PCDHA9: variants seen among roughly 807,000 people sequenced by gnomAD.
The protein encoded by PCDHA9 is protocadherin alpha-9.
A neutral mutation model predicts 62.0 loss-of-function variants in PCDHA9; 62 were observed. That is an observed-to-expected ratio of 1.00 (90% CI 0.81 to 1.23). The LOEUF (loss-of-function observed/expected upper bound fraction) is 1.23. PCDHA9 is among the 50% of genes most tolerant of loss of function. PCDHA9 has a pLI of 0.00. For missense variants in PCDHA9, 1,205 were observed against 1,249.8 expected (o/e 0.96, Z 0.54); for synonymous variants, 557 against 567.6 (o/e 0.98, Z 0.27).
intron 1 of PCDHA9, among the ~76,000 whole-genome samples, chr5:140,934,332 T>C (rs1452316834): frequency 1.3e-5 from 2 of 152,140 alleles, no homozygotes; most frequent in Non-Finnish European, 2.9e-5. Flanking sequence ...ATGAATGTAA[T>C]AACCACCAGT....
In PCDHA9 at chr5:140,855,179, G is replaced by A. The variant is rs181253905; in HGVS notation, c.2394+4290G>A. Among the ~76,000 whole-genome samples, 493 of 149,782 alleles carry A rather than the reference G, an allele frequency of 3.3e-3. 32 individuals carry two copies. The highest frequency in any genetic ancestry group is 0.014 in the Middle Eastern group (4 of 290). ...ATTGAGCCTCATGAAAACAAATGTGGCCAAATTGAGGCCTGAGAATAGTTT... is the reference window on the plus strand; with the variant it reads ...ATTGAGCCTCATGAAAACAAATGTGACCAAATTGAGGCCTGAGAATAGTTT... On this transcript the variant is annotated intron_variant, in intron 1 of 3. Coordinates refer to ENST00000532602, the MANE Select transcript of PCDHA9 (RefSeq NM_031857.2).
chr5:140,980,684 G>GAA (rs782726576), intron 2 of PCDHA9, among the ~76,000 whole-genome samples: 2 of 145,064 alleles, frequency 1.4e-5, no homozygotes, highest in African/African-American at 5.1e-5. Context: ...TTTTCAAATT[G>GAA]AAAAAAAAAA....
chr5:140,870,876 G>A, intron 1 of PCDHA9: 1 of 1,613,958 alleles, frequency 6.2e-7, no homozygotes, highest in Non-Finnish European at 8.5e-7. Context: ...ACGTGGTGGC[G>A]AAGGTGCGCG....
At chr5:140,875,304 A>G in intron 1 of PCDHA9, 6 of 1,416,398 alleles carry the variant, frequency 4.2e-6, no homozygotes, top group Non-Finnish European at 5.5e-6. Context: ...TTTTCTCCGC[A>G]CCCACATTCC....
At chr5:140,903,500 G>A (rs553764100) in intron 1 of PCDHA9, among the ~76,000 whole-genome samples, 1 of 152,184 alleles carries the variant, frequency 6.6e-6, no homozygotes, top group African/African-American at 2.4e-5. Flanking sequence ...AGGTACCATA[G>A]ATAATAGTTC....
At position 140,870,536 on chromosome 5, in the gene PCDHA9, C is replaced by T. The variant is rs782205013; in HGVS notation, c.2394+19647C>T. On this transcript the variant is annotated intron_variant, in intron 1 of 3. Transcript: ENST00000532602. ...GGCTGCCACATCTTCACAGTGTCGGCGCGGGACGCGGACGCGCAGGAGAAC... is the reference window on the plus strand; with the variant it reads ...GGCTGCCACATCTTCACAGTGTCGGTGCGGGACGCGGACGCGCAGGAGAAC... 1.1e-5 allele frequency: 18 copies of T among 1,614,036 alleles called. No individual in the cohort carries two copies. The Admixed American group carries it at 3.0e-4, about 27-fold the overall frequency.
At chr5:140,937,844 G>A (rs926736710) in intron 1 of PCDHA9, among the ~76,000 whole-genome samples, 7 of 149,606 alleles carry the variant, frequency 4.7e-5, no homozygotes, top group Non-Finnish European at 8.9e-5. Context: ...CCTGGAAGGC[G>A]GAACTTGGAG....
chr5:140,915,992 G>A (rs1437857401), intron 1 of PCDHA9, among the ~76,000 whole-genome samples: 2 of 152,134 alleles, frequency 1.3e-5, no homozygotes, highest in African/African-American at 4.8e-5. Context: ...GGCTAAGCTG[G>A]CACTCAAACC....
chr5:140,921,779 T>C (rs1584242105), intron 1 of PCDHA9, among the ~76,000 whole-genome samples: 2 of 152,246 alleles, frequency 1.3e-5, no homozygotes, highest in East Asian at 3.9e-4. Context: ...AATACTGACT[T>C]GGATGTTCTA....
chr5:140,856,293 T>C, intron 1 of PCDHA9: 7 of 1,598,502 alleles, frequency 4.4e-6, no homozygotes, highest in Non-Finnish European at 6.0e-6. Context: ...CAGAATGGCA[T>C]TTTGTTTGTG....
chr5:140,914,076 T>C (rs2076593853), intron 1 of PCDHA9, among the ~76,000 whole-genome samples: 1 of 152,218 alleles, frequency 6.6e-6, no homozygotes, highest in Non-Finnish European at 1.5e-5. Context: ...TCCATAACTA[T>C]CTATTAGGTC....
chr5:140,887,025 T>G (rs1352119867), intron 1 of PCDHA9, among the ~76,000 whole-genome samples: 3 of 152,076 alleles, frequency 2.0e-5, no homozygotes, highest in Non-Finnish European at 4.4e-5. Context: ...CCTGAAAAAT[T>G]TCTTTAATAT....
At chr5:140,853,141 A>G in intron 1 of PCDHA9, 1 of 767,574 alleles carries the variant, frequency 1.3e-6, no homozygotes, top group Non-Finnish European at 1.6e-6. Flanking sequence ...AGCCTCCCAA[A>G]ATGCTGGGAT....
chr5:140,990,022 G>A (rs891983888), intron 3 of PCDHA9, among the ~76,000 whole-genome samples: 1 of 152,156 alleles, frequency 6.6e-6, no homozygotes, highest in African/African-American at 2.4e-5. Flanking sequence ...GCTAGGCAAA[G>A]GATGGGAGAA....
At chr5:140,882,699 A>C in intron 1 of PCDHA9, 3 of 1,614,184 alleles carry the variant, frequency 1.9e-6, no homozygotes, top group South Asian at 1.1e-5. Context: ...ATCATTGCAG[A>C]ATCTAGACCT....
At chr5:140,879,103 GGT>G (rs2057856027) in intron 1 of PCDHA9, among the ~76,000 whole-genome samples, 1 of 152,156 alleles carries the variant, frequency 6.6e-6, no homozygotes, top group Admixed American at 6.6e-5. Flanking sequence ...CACAGTATAT[GGT>G]GTAATTGAAG....
intron 1 of PCDHA9, chr5:140,870,636 G>C (rs2153249494): frequency 6.2e-7 from 1 of 1,612,910 alleles, no homozygotes; most frequent in Non-Finnish European, 8.5e-7. Context: ...CGGTGCACGC[G>C]GAGAGCGGCA....
intron 1 of PCDHA9, among the ~76,000 whole-genome samples, chr5:140,923,323 C>T (rs1554201408): frequency 6.6e-6 from 1 of 152,092 alleles, no homozygotes; most frequent in Non-Finnish European, 1.5e-5. Context: ...CCTAGAAGTT[C>T]AAGGACAGTT....
intron 3 of PCDHA9, among the ~76,000 whole-genome samples, chr5:141,006,730 C>A (rs1222445312): frequency 1.3e-5 from 2 of 151,754 alleles, no homozygotes; most frequent in African/African-American, 4.8e-5. Context: ...AATGACAGGT[C>A]TTGATGATGT....
Sources: allele counts gnomAD v4.1 joint callset (sites outside exome capture counted in the v4.1 genomes callset), GRCh38; gene constraint gnomAD v4.1.1; transcripts MANE v1.5; gene names NCBI Gene and HGNC (gene_info 2026-07-23, HGNC 2026-07-21).